The following CHD9 variants were observed in gnomAD, a reference collection of about 807,000 sequenced individuals.
The protein encoded by CHD9 is chromodomain helicase DNA binding protein 9, also known as ATP-dependent chromatin remodeler CHD9.
In CHD9, 77 loss-of-function variants were observed where a neutral mutation model predicts 316.1. The ratio of observed to expected loss-of-function variants is 0.24; its 90% confidence interval spans 0.20 to 0.29. CHD9 has a LOEUF of 0.29. Ranked by LOEUF, CHD9 falls within the 10% of genes least tolerant of loss-of-function variation. CHD9 has a pLI of 1.00. For missense variants in CHD9, 2,763 were observed against 3,438.1 expected, an observed-to-expected ratio of 0.80 and a Z score of 4.91; for synonymous variants, 1,129 against 1,158.3, an observed-to-expected ratio of 0.97 and a Z score of 0.51.
chr16:53,070,531 T>C (rs1271470659), intron 1 of CHD9, among the ~76,000 whole-genome samples: 3 of 18,758 alleles, frequency 1.6e-4, no homozygotes, highest in South Asian at 1.6e-3. Context: ...CTTCCTTCCT[T>C]CCTCTCTCTC....
intron 1 of CHD9, among the ~76,000 whole-genome samples, chr16:53,096,164 C>G (rs1596970143): frequency 1.3e-5 from 2 of 151,398 alleles, no homozygotes; most frequent in Admixed American, 6.6e-5. Context: ...CTCAAGCGAT[C>G]CTCCCACCTC....
At chr16:53,266,212 C>T (rs941310598) in intron 20 of CHD9, among the ~76,000 whole-genome samples, 52 of 151,884 alleles carry the variant, frequency 3.4e-4, no homozygotes, top group African/African-American at 1.2e-3. Flanking sequence ...TTCCAAAATA[C>T]ATATTAATTC....
At chr16:53,114,711 G>A (rs80352500) in intron 1 of CHD9, among the ~76,000 whole-genome samples, 51 of 152,042 alleles carry the variant, frequency 3.4e-4, no homozygotes, top group African/African-American at 1.1e-3. Flanking sequence ...TCTCAGCCTC[G>A]CGAGTAGCTG....
chr16:53,189,004 T>C (rs577637580), intron 2 of CHD9, among the ~76,000 whole-genome samples: 2 of 152,300 alleles, frequency 1.3e-5, no homozygotes, highest in African/African-American at 2.4e-5. Context: ...AAATCTCTTA[T>C]CAGGTTTTTT....
chr16:53,076,373 G>A (rs2034525912), intron 1 of CHD9, among the ~76,000 whole-genome samples: 1 of 152,038 alleles, frequency 6.6e-6, no homozygotes, highest in Non-Finnish European at 1.5e-5. Context: ...TCAGGAGTTC[G>A]AGACCAGCCT....
intron 1 of CHD9, among the ~76,000 whole-genome samples, chr16:53,059,398 G>A (rs1016472867): frequency 1.3e-5 from 2 of 152,140 alleles, no homozygotes; most frequent in Non-Finnish European, 2.9e-5. Flanking sequence ...GAGGCCAAGA[G>A]TTCAAGACTA....
intron 1 of CHD9, among the ~76,000 whole-genome samples, chr16:53,072,695 ATTTTTTTT>A (rs1027642673): frequency 1.3e-5 from 2 of 150,334 alleles, no homozygotes; most frequent in African/African-American, 4.9e-5. Context: ...TTATTTTTTT[ATTTTTTTT>A]ATTTTTTTTT....
intron 3 of CHD9, among the ~76,000 whole-genome samples, chr16:53,221,652 A>AAT (rs534684910): frequency 7.7e-4 from 117 of 152,220 alleles, no homozygotes; most frequent in African/African-American, 2.6e-3. Context: ...TGTAAATATC[A>AAT]ATATATATAT....
intron 37 of CHD9, chr16:53,319,764 G>A: frequency 2.7e-6 from 3 of 1,124,054 alleles, no homozygotes; most frequent in Non-Finnish European, 2.3e-6. Flanking sequence ...GTTTGTTCAT[G>A]TTCCTTAATT....
chr16:53,118,797 T>TTC lies in CHD9; in HGVS notation c.-164-37128_-164-37127insCT, dbSNP rs2038514904. Among the ~76,000 whole-genome samples, 9 of 149,400 alleles carry TTC rather than the reference T, an allele frequency of 6.0e-5. No individual in the cohort carries two copies. In the South Asian group the frequency reaches 1.9e-3, roughly 32 times the overall value. On this transcript the variant is annotated intron_variant, in intron 1 of 38. Transcript: ENST00000447540. ...CTCAATAAAAAAGATAACTTTCTTT[T>TTC]TTTTTTTTTTTTTTTGACAGAGTCT...
At chr16:53,255,949 G>T (rs901975714) in intron 19 of CHD9, among the ~76,000 whole-genome samples, 170 bp downstream of exon 19, 2 of 152,096 alleles carry the variant, frequency 1.3e-5, no homozygotes, top group Non-Finnish European at 2.9e-5. Flanking sequence ...AATTTCACAT[G>T]AACTTTTCTG....
At chr16:53,093,459 CA>C (rs2152558516) in intron 1 of CHD9, among the ~76,000 whole-genome samples, 2 of 152,286 alleles carry the variant, frequency 1.3e-5, no homozygotes, top group East Asian at 3.9e-4. Context: ...TCTAATCTGT[CA>C]TAACCCAATT....
intron 2 of CHD9, among the ~76,000 whole-genome samples, chr16:53,192,066 C>CA (rs563995905): frequency 0.13 from 8,764 of 69,394 alleles, 473 homozygotes; most frequent in African/African-American, 0.24. Flanking sequence ...GACTCCATCT[C>CA]AAAAAAAAAA....
At chr16:53,076,105 G>A (rs1261245738) in intron 1 of CHD9, among the ~76,000 whole-genome samples, 2 of 152,006 alleles carry the variant, frequency 1.3e-5, no homozygotes, top group Non-Finnish European at 2.9e-5. Context: ...TTTGAATCAC[G>A]TTTGTTGTTG....
intron 29 of CHD9, among the ~76,000 whole-genome samples, chr16:53,296,176 A>G (rs1297019921): frequency 6.6e-6 from 1 of 152,074 alleles, no homozygotes; most frequent in Admixed American, 6.6e-5. Context: ...TCTATCTTCT[A>G]TGCTCTCCTG....
In CHD9 at chr16:53,307,865, G is replaced by A; in HGVS notation, c.6965G>A (p.Gly2322Asp). The A allele has an allele frequency of 6.2e-7, 1 of 1,613,798 alleles. No homozygotes were observed. The change falls in exon 33 of 39, where the codon GGT becomes GAT. Residue 2322 changes from glycine to aspartate, a missense_variant. Around this residue, in one of 15 missense-constraint regions of CHD9, gnomAD observed 663 missense variants for 751.2 expected, o/e 0.88. Coordinates refer to ENST00000447540, the MANE Select transcript of CHD9 (RefSeq NM_001308319.2). ...AGTGTACCCACTCCCCCAGGTGCCGGTGTTAAAGAAGAACATGATCAGTCA... is the reference window on the plus strand; with the variant it reads ...AGTGTACCCACTCCCCCAGGTGCCGATGTTAAAGAAGAACATGATCAGTCA... ...DPSVPTPPGA[G>D]VKEEHDQSTQ...
At chr16:53,098,782 G>T (rs986529015) in intron 1 of CHD9, among the ~76,000 whole-genome samples, 6 of 152,230 alleles carry the variant, frequency 3.9e-5, no homozygotes, top group Admixed American at 6.5e-5. Context: ...AACATCTGAC[G>T]TTTGTGTAAC....
chr16:53,083,372 T>C (rs935851562), intron 1 of CHD9, among the ~76,000 whole-genome samples: 2 of 152,196 alleles, frequency 1.3e-5, no homozygotes, highest in African/African-American at 4.8e-5. Flanking sequence ...TCTCATTTCC[T>C]GTATAAGGGA....
rs941039881 is a variant in CHD9, at chr16:53,313,455, G to C, written c.7223-922G>C. Among the ~76,000 whole-genome samples the C allele has an allele frequency of 2.6e-5, 4 of 151,986 alleles. No individual in the cohort carries two copies. In the East Asian group the frequency reaches 5.9e-4, roughly 22 times the overall value. On this transcript the variant is annotated intron_variant, in intron 34 of 38. Coordinates refer to ENST00000447540, the MANE Select transcript of CHD9 (RefSeq NM_001308319.2). ...CAAGTAGCTCGTATTACAGGTGCCC[G>C]CCACCACGCCCAGCTAATTTTTGTA...
Sources: allele counts gnomAD v4.1 joint callset (sites outside exome capture counted in the v4.1 genomes callset), GRCh38; gene constraint gnomAD v4.1.1; regional missense constraint gnomAD v4.1.1; transcripts MANE v1.5; gene names NCBI Gene and HGNC (gene_info 2026-07-23, HGNC 2026-07-21).